The following MAN2A1 variants were observed in gnomAD, a reference collection of about 807,000 sequenced individuals.
MAN2A1 encodes mannosidase alpha class 2A member 1.
A neutral mutation model predicts 142.6 loss-of-function variants in MAN2A1; 76 were observed. The ratio of observed to expected loss-of-function variants is 0.53; its 90% CI spans 0.44 to 0.65. The LOEUF is 0.65. Among genes scored for constraint, MAN2A1 ranks in the 30% least tolerant of loss-of-function variants. The probability of loss-of-function intolerance (pLI) is 0.00; values close to 1 mark genes in which losing one functional copy is unlikely to be tolerated. For missense variants in MAN2A1, 1,311 were observed against 1,365.1 expected (o/e 0.96, Z 0.62); for synonymous variants, 559 against 473.2 (o/e 1.18, Z -2.35).
chr5:109,739,342 C>G (rs1022976297), intron 4 of MAN2A1, among the ~76,000 whole-genome samples: 4 of 152,080 alleles, frequency 2.6e-5, no homozygotes, highest in Non-Finnish European at 5.9e-5. Context: ...GTTTCTTTAG[C>G]TTATGTGTTC....
chr5:109,820,509 G>A (rs1032238083), intron 15 of MAN2A1, among the ~76,000 whole-genome samples, 167 bp downstream of exon 15: 2 of 152,148 alleles, frequency 1.3e-5, no homozygotes, highest in African/African-American at 4.8e-5. Context: ...GCAATTTGTA[G>A]TCGAAAGTTA....
At chr5:109,786,071 C>A (rs1236612481) in intron 10 of MAN2A1, among the ~76,000 whole-genome samples, 1 of 151,958 alleles carries the variant, frequency 6.6e-6, no homozygotes, top group East Asian at 1.9e-4. Flanking sequence ...TGATTTCAGT[C>A]CTTAAAAAAT....
At chr5:109,793,931 T>G (rs1753798077) in intron 12 of MAN2A1, among the ~76,000 whole-genome samples, 1 of 152,202 alleles carries the variant, frequency 6.6e-6, no homozygotes, top group Admixed American at 6.5e-5. Context: ...CTTCTGGCAC[T>G]AATTATCTAT....
At chr5:109,733,339 T>C (rs1342756434) in intron 4 of MAN2A1, among the ~76,000 whole-genome samples, 2 of 152,226 alleles carry the variant, frequency 1.3e-5, no homozygotes, top group Non-Finnish European at 2.9e-5. Flanking sequence ...CTTTTCCTAA[T>C]TGAATGCCCT....
intron 9 of MAN2A1, among the ~76,000 whole-genome samples, chr5:109,784,257 T>C (rs1561510338): frequency 2.0e-5 from 3 of 152,170 alleles, no homozygotes; most frequent in African/African-American, 7.2e-5. Flanking sequence ...CTTGGGCCAT[T>C]ATTTTCTGCC....
At chr5:109,752,839 G>A (rs1488118754) in intron 4 of MAN2A1, among the ~76,000 whole-genome samples, 5 of 152,154 alleles carry the variant, frequency 3.3e-5, no homozygotes, top group Non-Finnish European at 7.4e-5. Flanking sequence ...AGCATCCCAG[G>A]CATCATGGAG....
intron 5 of MAN2A1, among the ~76,000 whole-genome samples, chr5:109,764,454 T>C (rs1752937111): frequency 6.6e-6 from 1 of 152,176 alleles, no homozygotes; most frequent in African/African-American, 2.4e-5. Flanking sequence ...ATTTTGGATT[T>C]TTCTTATATT....
intron 3 of MAN2A1, among the ~76,000 whole-genome samples, chr5:109,727,593 A>C (rs1561480671): frequency 6.6e-6 from 1 of 152,214 alleles, no homozygotes; most frequent in Non-Finnish European, 1.5e-5. Flanking sequence ...GATGTGGAGC[A>C]GTTTATATAA....
At chr5:109,706,094 G>A (rs1751122310) in intron 1 of MAN2A1, among the ~76,000 whole-genome samples, 1 of 152,144 alleles carries the variant, frequency 6.6e-6, no homozygotes, top group Non-Finnish European at 1.5e-5. Flanking sequence ...ACTGCACCAG[G>A]CGCTATTTAA....
chr5:109,746,770 C>T (rs1010228469), intron 4 of MAN2A1, among the ~76,000 whole-genome samples: 4 of 152,064 alleles, frequency 2.6e-5, no homozygotes, highest in South Asian at 2.1e-4. Context: ...CAGTAATTCC[C>T]GTTCCTCTTG....
chr5:109,821,173 T>G (rs1754613532), intron 15 of MAN2A1, among the ~76,000 whole-genome samples: 1 of 152,216 alleles, frequency 6.6e-6, no homozygotes, highest in East Asian at 1.9e-4. Context: ...CTTATTGTCT[T>G]TTATTTTATG....
At chr5:109,833,758 G>A (rs1386277067) in intron 16 of MAN2A1, among the ~76,000 whole-genome samples, 1 of 152,106 alleles carries the variant, frequency 6.6e-6, no homozygotes, top group Non-Finnish European at 1.5e-5. Context: ...TCAGTACTTT[G>A]AACTCCTGAG....
At chr5:109,774,638 A>G in intron 7 of MAN2A1, 150 bp from the exon 8 acceptor site, 1 of 587,574 alleles carries the variant, frequency 1.7e-6, no homozygotes, top group South Asian at 2.2e-5. Flanking sequence ...TCTTTAAATT[A>G]TACTAACCTT....
intron 7 of MAN2A1, 84 bp from the exon 8 acceptor site, chr5:109,774,704 A>G: frequency 1.0e-6 from 1 of 986,766 alleles, no homozygotes; most frequent in Non-Finnish European, 1.5e-6. Flanking sequence ...GAATTTGGTT[A>G]TTTCCTTTTT....
At chr5:109,724,714 T>C (rs1309579444) in intron 3 of MAN2A1, among the ~76,000 whole-genome samples, 1 of 152,198 alleles carries the variant, frequency 6.6e-6, no homozygotes, top group Non-Finnish European at 1.5e-5. Flanking sequence ...ATCATTATTA[T>C]AGCAATCAAA....
intron 5 of MAN2A1, among the ~76,000 whole-genome samples, chr5:109,766,643 C>G (rs1340958646): frequency 6.6e-6 from 1 of 151,980 alleles, no homozygotes; most frequent in Non-Finnish European, 1.5e-5. Context: ...GTTTTTGTAA[C>G]TGTGGGGTCT....
At chr5:109,814,830 A>G (rs1386322836) in intron 12 of MAN2A1, among the ~76,000 whole-genome samples, 4 of 152,132 alleles carry the variant, frequency 2.6e-5, no homozygotes, top group Non-Finnish European at 5.9e-5. Context: ...CTTATTATCT[A>G]ATTTATTGCT....
At chr5:109,862,942 G>A (rs934143415) in intron 20 of MAN2A1, 4 of 151,914 alleles carry the variant, frequency 2.6e-5, no homozygotes, top group East Asian at 1.9e-4. Context: ...TTGTATTGTC[G>A]GTTTAAATCT....
At chr5:109,820,626 T>G (rs1224598991) in intron 15 of MAN2A1, among the ~76,000 whole-genome samples, 1 of 152,072 alleles carries the variant, frequency 6.6e-6, no homozygotes, top group Non-Finnish European at 1.5e-5. Context: ...CTGGGCAACA[T>G]GGCAAAACCC....
Sources: allele counts gnomAD v4.1 joint callset (sites outside exome capture counted in the v4.1 genomes callset), GRCh38; gene constraint gnomAD v4.1.1; transcripts MANE v1.5; gene names NCBI Gene and HGNC (gene_info 2026-07-23, HGNC 2026-07-21).